CATSPERH: variants seen among roughly 807,000 people sequenced by gnomAD.
The protein encoded by CATSPERH is cation channel sperm-associated auxiliary subunit eta.
the CATSPERH span, chr11:65,088,400 AC>A: frequency 6.7e-7 from 1 of 1,501,194 alleles, no homozygotes; most frequent in Non-Finnish European, 9.0e-7. Flanking sequence ...TTATTAAAAC[AC>A]CCGAGGCAGC....
the CATSPERH span, chr11:65,088,545 A>G: frequency 1.3e-6 from 2 of 1,528,022 alleles, no homozygotes; most frequent in African/African-American, 2.7e-5. Context: ...GGCGGGGGAC[A>G]GAGCCCCCCA....
chr11:65,088,938 T>C, the CATSPERH span: 54 of 1,535,652 alleles, frequency 3.5e-5, no homozygotes, highest in South Asian at 5.8e-4. Context: ...CTGATGAAGA[T>C]GCCCAGGTGT....
At chr11:65,088,469 C>T in the CATSPERH span, 7 of 1,536,266 alleles carry the variant, frequency 4.6e-6, no homozygotes, top group South Asian at 3.6e-5. Flanking sequence ...TGGTGCTCCT[C>T]CCGGTACTCG....
Sources: gnomAD v4.1 joint callset for allele counts on GRCh38, gnomAD v4.1.1 for gene constraint, MANE v1.5 for transcripts, NCBI Gene and HGNC (gene_info 2026-07-23, HGNC 2026-07-21) for gene names.